The following CACNA2D3 variants were observed in gnomAD, a reference collection of about 807,000 sequenced individuals.
CACNA2D3 encodes calcium voltage-gated channel auxiliary subunit alpha2delta 3.
In CACNA2D3, 60 loss-of-function variants were observed where a neutral mutation model predicts 160.6. That is an observed-to-expected ratio of 0.37 (90% CI 0.30 to 0.46). The LOEUF is 0.46. CACNA2D3 is among the 20% of genes least tolerant of loss of function. The pLI is 1.00. For missense variants in CACNA2D3, 1,205 were observed against 1,365.0 expected, an observed-to-expected ratio of 0.88 and a Z score of 1.85; for synonymous variants, 558 against 492.9, an observed-to-expected ratio of 1.13 and a Z score of -1.75.
At chr3:54,310,122 C>G (rs186705697) in intron 2 of CACNA2D3, among the ~76,000 whole-genome samples, 5 of 151,990 alleles carry the variant, frequency 3.3e-5, no homozygotes, top group South Asian at 4.2e-4. Context: ...CTTGGAGACA[C>G]TAGATTGGAA....
intron 21 of CACNA2D3, among the ~76,000 whole-genome samples, chr3:54,884,791 C>G (rs1341874954): frequency 6.6e-6 from 1 of 152,172 alleles, no homozygotes; most frequent in African/African-American, 2.4e-5. Flanking sequence ...TCATATTGTT[C>G]AACCTATGAT....
chr3:54,546,010 C>G (rs2106674053), intron 5 of CACNA2D3, among the ~76,000 whole-genome samples: 1 of 152,298 alleles, frequency 6.6e-6, no homozygotes, highest in Middle Eastern at 3.4e-3. Flanking sequence ...GGTCACCGTC[C>G]ATGCAGTCAG....
At chr3:54,402,613 A>G (rs1246909773) in intron 4 of CACNA2D3, among the ~76,000 whole-genome samples, 1 of 152,210 alleles carries the variant, frequency 6.6e-6, no homozygotes, top group Non-Finnish European at 1.5e-5. Context: ...TATGCACCCA[A>G]TCTGAGAGCA....
intron 12 of CACNA2D3, among the ~76,000 whole-genome samples, chr3:54,758,798 G>T (rs1301843328): frequency 6.6e-6 from 1 of 152,020 alleles, no homozygotes; most frequent in African/African-American, 2.4e-5. Context: ...GCTTAAGGTG[G>T]GAAGAGTCTT....
chr3:54,645,827 T>C (rs991722044), intron 11 of CACNA2D3, among the ~76,000 whole-genome samples: 1 of 152,160 alleles, frequency 6.6e-6, no homozygotes, highest in East Asian at 1.9e-4. Flanking sequence ...TCATCTTCAT[T>C]CTTTGGTGAG....
chr3:54,386,536 G>A (rs1029995016), intron 3 of CACNA2D3, among the ~76,000 whole-genome samples, 179 bp from the exon 4 acceptor site: 26 of 152,136 alleles, frequency 1.7e-4, no homozygotes, highest in South Asian at 2.1e-4. Context: ...TTGAATGATG[G>A]AGGCAGAAAC....
intron 17 of CACNA2D3, among the ~76,000 whole-genome samples, chr3:54,853,039 T>C (rs1476698916): frequency 6.6e-6 from 1 of 152,202 alleles, no homozygotes; most frequent in Non-Finnish European, 1.5e-5. Flanking sequence ...AGCTCCTTCC[T>C]GCTCCAAATT....
At chr3:54,574,809 A>G (rs1303221667) in intron 8 of CACNA2D3, among the ~76,000 whole-genome samples, 1 of 152,372 alleles carries the variant, frequency 6.6e-6, no homozygotes, top group Middle Eastern at 3.4e-3. Context: ...AACCGGGCCA[A>G]TATTGTTACA....
chr3:54,257,552 G>GT (rs1702321241), intron 2 of CACNA2D3, among the ~76,000 whole-genome samples: 3 of 152,104 alleles, frequency 2.0e-5, no homozygotes, highest in Admixed American at 6.5e-5. Flanking sequence ...TGCCGTTGTT[G>GT]TTTTTTTGTA....
chr3:54,993,836 A>G (rs938144202), intron 31 of CACNA2D3, among the ~76,000 whole-genome samples: 1 of 135,154 alleles, frequency 7.4e-6, no homozygotes, highest in African/African-American at 2.8e-5. Context: ...CCATTGTCTT[A>G]TCTGTCTCTC....
At chr3:54,320,391 G>T (rs979692071) in intron 2 of CACNA2D3, 51 bp from the exon 3 acceptor site, 4 of 843,028 alleles carry the variant, frequency 4.7e-6, no homozygotes, top group Non-Finnish European at 7.5e-6. Flanking sequence ...AATCACAGCT[G>T]TGGTGTTTTA....
At chr3:54,889,879 G>A (rs1439475250) in intron 24 of CACNA2D3, among the ~76,000 whole-genome samples, 1 of 152,124 alleles carries the variant, frequency 6.6e-6, no homozygotes, top group Admixed American at 6.5e-5. Context: ...AGCAAAGGTT[G>A]CTGATTCATT....
intron 11 of CACNA2D3, among the ~76,000 whole-genome samples, chr3:54,657,845 A>G (rs774978780): frequency 1.6e-4 from 25 of 152,072 alleles, no homozygotes; most frequent in Non-Finnish European, 3.2e-4. Context: ...CCTAGCCAAC[A>G]TGGTGAAACC....
intron 4 of CACNA2D3, among the ~76,000 whole-genome samples, chr3:54,410,530 C>T (rs778215395): frequency 5.3e-5 from 8 of 152,160 alleles, no homozygotes; most frequent in African/African-American, 1.7e-4. Context: ...ATCTACCATA[C>T]GTGTGCTCTA....
chr3:55,037,476 G>T (rs1408535696), intron 35 of CACNA2D3, among the ~76,000 whole-genome samples: 1 of 152,214 alleles, frequency 6.6e-6, no homozygotes, highest in Non-Finnish European at 1.5e-5. Flanking sequence ...AGGAATTTCA[G>T]AACTTGTGTC....
chr3:54,383,436 C>T (rs914139014), intron 3 of CACNA2D3, among the ~76,000 whole-genome samples: 4 of 152,146 alleles, frequency 2.6e-5, no homozygotes, highest in African/African-American at 9.7e-5. Flanking sequence ...TCAAAGAGCT[C>T]CCTTCTGGGA....
At chr3:54,515,731 G>A (rs1701539705) in intron 5 of CACNA2D3, among the ~76,000 whole-genome samples, 2 of 152,184 alleles carry the variant, frequency 1.3e-5, no homozygotes, top group Non-Finnish European at 2.9e-5. Context: ...GTCATCTGCC[G>A]ATGGGTGTCA....
intron 17 of CACNA2D3, among the ~76,000 whole-genome samples, chr3:54,866,114 G>A (rs954233723): frequency 6.6e-6 from 1 of 151,876 alleles, no homozygotes; most frequent in Non-Finnish European, 1.5e-5. Context: ...TTCTCCCTGG[G>A]TGCTTTTCCA....
intron 14 of CACNA2D3, among the ~76,000 whole-genome samples, chr3:54,818,263 A>G (rs1429341793): frequency 6.6e-6 from 1 of 152,178 alleles, no homozygotes; most frequent in Non-Finnish European, 1.5e-5. Flanking sequence ...CGGCTCACGC[A>G]ATCTCCACCT....
Sources: gnomAD v4.1 joint callset for allele counts (sites outside exome capture counted in the v4.1 genomes callset) on GRCh38, gnomAD v4.1.1 for gene constraint, MANE v1.5 for transcripts, NCBI Gene and HGNC (gene_info 2026-07-23, HGNC 2026-07-21) for gene names.